Variants in NKAIN3 observed in about 807,000 individuals in gnomAD.
NKAIN3 encodes the protein sodium/potassium-transporting ATPase subunit beta-1-interacting protein 3.
A neutral mutation model predicts 30.2 loss-of-function variants in NKAIN3; 25 were observed. The ratio of observed to expected loss-of-function variants is 0.83; its 90% CI spans 0.60 to 1.16. NKAIN3 has a LOEUF of 1.16. Ranked by LOEUF, NKAIN3 falls within the 50% of genes most tolerant of loss-of-function variation. NKAIN3 has a pLI of 0.00. For synonymous variants in NKAIN3, 91 were observed against 89.6 expected (o/e 1.02, Z -0.09); for missense variants, 225 against 254.1 (o/e 0.89, Z 0.78).
At chr8:62,573,594 A>T (rs561557665) in intron 1 of NKAIN3, among the ~76,000 whole-genome samples, 1 of 151,894 alleles carries the variant, frequency 6.6e-6, no homozygotes, top group Non-Finnish European at 1.5e-5. Context: ...TTTTAATACA[A>T]GATATTTATT....
At chr8:62,344,797 G>A (rs536528847) in intron 1 of NKAIN3, 5 of 418,354 alleles carry the variant, frequency 1.2e-5, no homozygotes, top group African/African-American at 1.0e-4. Context: ...AGAGTCTTTT[G>A]TAGTTCCATA....
chr8:62,673,726 A>G (rs1421335928), intron 3 of NKAIN3, among the ~76,000 whole-genome samples: 1 of 152,226 alleles, frequency 6.6e-6, no homozygotes, highest in Non-Finnish European at 1.5e-5. Context: ...CCTGTACAGT[A>G]TGTTACTGTA....
chr8:62,494,032 T>C (rs537943313), intron 1 of NKAIN3, among the ~76,000 whole-genome samples: 1 of 152,286 alleles, frequency 6.6e-6, no homozygotes, highest in African/African-American at 2.4e-5. Flanking sequence ...TCTTGCCTGA[T>C]TGCTCTGGCC....
intron 3 of NKAIN3, among the ~76,000 whole-genome samples, chr8:62,690,396 A>C (rs1476529841): frequency 6.6e-6 from 1 of 152,146 alleles, no homozygotes; most frequent in Non-Finnish European, 1.5e-5. Context: ...AAAAGGAAGA[A>C]ATATCACCCT....
At chr8:62,828,441 C>T (rs1032769937) in intron 4 of NKAIN3, among the ~76,000 whole-genome samples, 11 of 152,010 alleles carry the variant, frequency 7.2e-5, no homozygotes, top group Non-Finnish European at 1.0e-4. Context: ...AAAAAATAAT[C>T]GAATTTAAAT....
intron 1 of NKAIN3, among the ~76,000 whole-genome samples, chr8:62,295,260 G>C (rs6985076): frequency 0.017 from 2,535 of 152,218 alleles, 62 homozygotes; most frequent in African/African-American, 0.055. Flanking sequence ...TAGACCTCTG[G>C]TTCATAGGAG....
intron 1 of NKAIN3, among the ~76,000 whole-genome samples, chr8:62,279,340 G>T (rs1813088979): frequency 6.6e-6 from 1 of 152,124 alleles, no homozygotes; most frequent in Non-Finnish European, 1.5e-5. Context: ...CACTCTGATG[G>T]TAGTTTCTTT....
Position 62,975,535 on chromosome 8 carries a change from CT to C in NKAIN3, c.*10129del, listed in dbSNP as rs1171727234. Among the ~76,000 whole-genome samples the C allele has an allele frequency of 3.3e-5, 5 of 152,026 alleles. No individual in the cohort carries two copies. Among genetic ancestry groups the C allele is most frequent in the African/African-American group, 1.2e-4 (5 of 41,496 alleles). On this transcript the variant is annotated 3_prime_UTR_variant, in exon 7 of 7. Transcript: ENST00000623646. ...TCCACTTTATCACTTTTTATTGTGTCTATTTGATTCTTCCCTCTTTTCTTCT... is the reference window on the plus strand; with the variant it reads ...TCCACTTTATCACTTTTTATTGTGTCATTTGATTCTTCCCTCTTTTCTTCT...
intron 4 of NKAIN3, among the ~76,000 whole-genome samples, chr8:62,824,490 CAACACA>C (rs1349752443): frequency 2.3e-5 from 2 of 85,168 alleles, no homozygotes; most frequent in Admixed American, 2.9e-4. Flanking sequence ...ACCACCTCTT[CAACACA>C]CACACACACA....
intron 3 of NKAIN3, among the ~76,000 whole-genome samples, chr8:62,712,710 T>C (rs1814762251): frequency 6.6e-6 from 1 of 152,198 alleles, no homozygotes; most frequent in Non-Finnish European, 1.5e-5. Context: ...GTCTGCACAC[T>C]GGGTTTGTGC....
chr8:62,494,640 CT>C (rs1418864059), intron 1 of NKAIN3, among the ~76,000 whole-genome samples: 2 of 152,016 alleles, frequency 1.3e-5, no homozygotes, highest in Non-Finnish European at 2.9e-5. Flanking sequence ...GTGAGTTTCT[CT>C]GGGCCTGGGC....
intron 1 of NKAIN3, among the ~76,000 whole-genome samples, chr8:62,323,170 A>T (rs1199330844): frequency 6.6e-6 from 1 of 152,212 alleles, no homozygotes; most frequent in African/African-American, 2.4e-5. Flanking sequence ...CAGCAATTAC[A>T]TGCCTTGGTA....
At chr8:62,782,164 A>G (rs1817372163) in intron 4 of NKAIN3, among the ~76,000 whole-genome samples, 1 of 152,046 alleles carries the variant, frequency 6.6e-6, no homozygotes, top group Non-Finnish European at 1.5e-5. Context: ...ACAGTGTATG[A>G]AAAGATACTC....
At chr8:62,535,181 C>A (rs529908228) in intron 1 of NKAIN3, among the ~76,000 whole-genome samples, 1 of 152,148 alleles carries the variant, frequency 6.6e-6, no homozygotes, top group South Asian at 2.1e-4. Flanking sequence ...CATTGAAGTA[C>A]TGACAGCACA....
At position 62,345,500 on chromosome 8, in the gene NKAIN3, T is replaced by TGTATAC. The variant is rs1353143861; in HGVS notation, c.54+96373_54+96374insGTATAC. 1.0e-4 allele frequency among the ~76,000 whole-genome samples: 3 copies of TGTATAC among 28,670 alleles called. 1 individual carries two copies. The highest frequency in any genetic ancestry group is 3.9e-4 in the African/African-American group (3 of 7,728). The allele number at this position is 28,670 out of a possible 152,430, so 18.8% of individuals were successfully genotyped here. A position where few individuals can be genotyped will look rare whatever the true frequency, so the allele number is the denominator to read the frequency against. ...ACATATATGTATATATACACACATA[T>TGTATAC]ATACACATATATACACATATATGTA... On this transcript the variant is annotated intron_variant, in intron 1 of 6. Coordinates refer to ENST00000623646, the MANE Select transcript of NKAIN3 (RefSeq NM_001304533.3).
chr8:62,417,550 T>C (rs551507008), intron 1 of NKAIN3, among the ~76,000 whole-genome samples: 7 of 152,332 alleles, frequency 4.6e-5, no homozygotes, highest in Middle Eastern at 3.4e-3. Flanking sequence ...ACCTCTAAAC[T>C]GTTCTCCATA....
At chr8:62,253,265 A>G (rs1230185090) in intron 1 of NKAIN3, among the ~76,000 whole-genome samples, 1 of 152,178 alleles carries the variant, frequency 6.6e-6, no homozygotes, top group Non-Finnish European at 1.5e-5. Context: ...TAACTCATAG[A>G]TGTATATTTT....
At chr8:62,712,208 G>A (rs1197889946) in intron 3 of NKAIN3, among the ~76,000 whole-genome samples, 1 of 152,140 alleles carries the variant, frequency 6.6e-6, no homozygotes, top group Non-Finnish European at 1.5e-5. Flanking sequence ...TTTTTGTGCG[G>A]TTGGCCTCCT....
chr8:62,488,117 T>G lies in NKAIN3; in HGVS notation c.55-91422T>G, dbSNP rs1449324855. ...AGTTTTATAAAGTTGGAGATCACTC[T>G]TGCTGAACAGAATTCAGTGCTGCAA... On this transcript the variant is annotated intron_variant, in intron 1 of 6. Transcript: ENST00000623646. 2.0e-5 allele frequency among the ~76,000 whole-genome samples: 3 copies of G among 152,348 alleles called. No individual in the cohort carries two copies. In the East Asian group the frequency reaches 5.8e-4, roughly 29 times the overall value.
Sources: gnomAD v4.1 joint callset for allele counts (sites outside exome capture counted in the v4.1 genomes callset) on GRCh38, gnomAD v4.1.1 for gene constraint, MANE v1.5 for transcripts, NCBI Gene and HGNC (gene_info 2026-07-23, HGNC 2026-07-21) for gene names.